Variants in IGSF10 observed in about 807,000 individuals in gnomAD.
The protein encoded by IGSF10 is immunoglobulin superfamily member 10, also known as calvaria mechanical force protein 608.
In IGSF10, 126 loss-of-function variants were observed where a neutral mutation model predicts 128.2. The ratio of observed to expected loss-of-function variants is 0.98; its 90% CI spans 0.85 to 1.14. The LOEUF is 1.14. Ranked by LOEUF, IGSF10 falls within the 50% of genes most tolerant of loss-of-function variation. The pLI is 0.00. For synonymous variants in IGSF10, 1,185 were observed against 1,146.2 expected (o/e 1.03, Z -0.68); for missense variants, 3,295 against 3,149.8 (o/e 1.05, Z -1.10).
chr3:151,526,779 A>C, the IGSF10 span, among the ~76,000 whole-genome samples: 1 of 151,988 alleles, frequency 6.6e-6, no homozygotes, highest in Non-Finnish European at 1.5e-5. Flanking sequence ...GGTTATCCTT[A>C]ATGTTTTTGG....
At chr3:151,570,240 G>A in the IGSF10 span, among the ~76,000 whole-genome samples, 2 of 152,126 alleles carry the variant, frequency 1.3e-5, no homozygotes, top group African/African-American at 4.8e-5. Flanking sequence ...AATCCTTTGG[G>A]TATATACCCA....
Position 151,453,690 on chromosome 3 carries a change from C to G in IGSF10, c.409G>C (p.Asp137His), listed in dbSNP as rs369785806. ...TTTATAAACTCAATATTGTTGTGGT[C>G]CATGTGCAATCGTGTCAAGCTCCTG... ...GLRSLTRLHMDHNNIEFINPE... is the reference protein window; with the variant it reads ...GLRSLTRLHMHHNNIEFINPE... The change falls in exon 5 of 8, where the codon GAC becomes CAC. Residue 137 changes from aspartate to histidine, a missense_variant. Asp to His is a moderately conservative substitution (Grantham distance 81). Transcript: ENST00000282466. The G allele has an allele frequency of 6.2e-7, 1 of 1,612,364 alleles. No individual in the cohort carries two copies. The highest frequency in any genetic ancestry group is 1.1e-5 in the South Asian group (1 of 90,952).
chr3:151,585,681 A>G, the IGSF10 span, among the ~76,000 whole-genome samples: 1 of 152,048 alleles, frequency 6.6e-6, no homozygotes, highest in Non-Finnish European at 1.5e-5. Context: ...GAATTCCCTC[A>G]GTTTTTGTTT....
intron 7 of IGSF10, among the ~76,000 whole-genome samples, chr3:151,441,167 T>G (rs970400445): frequency 6.6e-5 from 10 of 152,180 alleles, no homozygotes; most frequent in African/African-American, 2.4e-4. Context: ...TAGAGTGATA[T>G]CCCCTGCACC....
Position 151,448,769 on chromosome 3 carries a change from A to G in IGSF10, c.1212T>C (p.Tyr404=), listed in dbSNP as rs184100666. Residue 404 remains tyrosine (Y), a synonymous_variant, in exon 6 of 8, where the codon TAT becomes TAC. Transcript: ENST00000282466. The part of the protein sequence containing the change: ...LSETPQLYYK[Y]KQVAPKPEDI... Reference sequence around the variant, plus strand: ...CTTCAGGCTTAGGAGCCACCTGTTTATATTTGTAATAGAGCTGCGGTGTTT... The same window carrying G: ...CTTCAGGCTTAGGAGCCACCTGTTTGTATTTGTAATAGAGCTGCGGTGTTT... 21 of 1,613,694 alleles carry G rather than the reference A, an allele frequency of 1.3e-5. No homozygotes were observed. The Admixed American group carries it at 3.2e-4, about 24-fold the overall frequency.
intron 5 of IGSF10, among the ~76,000 whole-genome samples, chr3:151,450,498 A>T (rs1329648808): frequency 3.3e-5 from 5 of 152,300 alleles, no homozygotes; most frequent in Admixed American, 6.5e-5. Context: ...TGTGACAGGT[A>T]ATGTCACAGA....
the IGSF10 span, among the ~76,000 whole-genome samples, chr3:151,503,086 G>A: frequency 6.6e-6 from 1 of 151,994 alleles, no homozygotes; most frequent in Non-Finnish European, 1.5e-5. Context: ...AAAAAATAAT[G>A]AAGTTTAAGT....
At chr3:151,583,440 C>T in the IGSF10 span, among the ~76,000 whole-genome samples, 1 of 152,072 alleles carries the variant, frequency 6.6e-6, no homozygotes, top group African/African-American at 2.4e-5. Context: ...AACTTTCACC[C>T]AGTTATTTAA....
the IGSF10 span, among the ~76,000 whole-genome samples, chr3:151,515,883 A>G: frequency 5.3e-5 from 8 of 151,864 alleles, 1 homozygote; most frequent in East Asian, 1.4e-3. Flanking sequence ...TTAAATATTT[A>G]TAGAGGGATT....
At chr3:151,583,316 A>G in the IGSF10 span, among the ~76,000 whole-genome samples, 1 of 152,122 alleles carries the variant, frequency 6.6e-6, no homozygotes, top group Admixed American at 6.5e-5. Flanking sequence ...CTTTCCTAAT[A>G]TGTGAATTTA....
chr3:151,577,597 G>A, the IGSF10 span, among the ~76,000 whole-genome samples: 2 of 151,808 alleles, frequency 1.3e-5, no homozygotes, highest in Admixed American at 6.6e-5. Context: ...CATATTGAGG[G>A]GCTTCTCTGA....
the IGSF10 span, among the ~76,000 whole-genome samples, chr3:151,488,186 CAGAG>C: frequency 6.6e-6 from 1 of 152,166 alleles, no homozygotes; most frequent in East Asian, 1.9e-4. Context: ...ACATCAATAA[CAGAG>C]AGCCAAATCA....
rs758373680 is a variant in IGSF10, at chr3:151,444,826, G to C, written c.5062+93C>G. 1.5e-3 allele frequency: 1,869 copies of C among 1,213,346 alleles called. 4 individuals are homozygous for C. Among genetic ancestry groups the C allele is most frequent in the Non-Finnish European group, 2.0e-3 (1,750 of 884,424 alleles). 75.2% of individuals were successfully genotyped at this position (1,213,346 alleles called of 1,614,324 possible). On this transcript the variant is annotated intron_variant, in intron 6 of 7. Transcript: ENST00000282466. ...CTTTGTCTTAGAAAAATTTGAAACT[G>C]ATACTGATTCTTTGGATGTTTAATC...
Position 151,448,188 on chromosome 3 carries a change from G to A in IGSF10, c.1793C>T (p.Thr598Ile). 6.2e-7 allele frequency: 1 copy of A among 1,614,222 alleles called. No individual in the cohort carries two copies. The part of the protein sequence containing the change: ...GETLDLPCHS[T>I]GIPDASISWV... Reference sequence around the variant, plus strand: ...GCTAATAGAGGCATCTGGGATACCAGTAGAATGGCATGGAAGATCAAGTGT... The same window carrying A: ...GCTAATAGAGGCATCTGGGATACCAATAGAATGGCATGGAAGATCAAGTGT... Residue 598 changes from threonine to isoleucine, a missense_variant, in exon 6 of 8, where the codon ACT (threonine) becomes ATT (isoleucine). Transcript: ENST00000282466.
downstream of IGSF10, chr3:151,435,653 A>AGAT (rs944665755): frequency 2.0e-5 from 3 of 152,140 alleles, no homozygotes; most frequent in African/African-American, 7.2e-5. Flanking sequence ...ATGTTTGAAT[A>AGAT]GATGCTGGAG....
the IGSF10 span, among the ~76,000 whole-genome samples, chr3:151,575,595 G>A: frequency 6.6e-6 from 1 of 152,216 alleles, no homozygotes; most frequent in Non-Finnish European, 1.5e-5. Context: ...ACAGTATTAA[G>A]GTGAGAGTGT....
the IGSF10 span, among the ~76,000 whole-genome samples, chr3:151,504,463 C>CT: frequency 6.6e-6 from 1 of 152,066 alleles, no homozygotes; most frequent in Non-Finnish European, 1.5e-5. Flanking sequence ...TATCTTGATC[C>CT]TTTTTGCTTA....
rs2108554122 is a variant in IGSF10 at position 151,447,680 on chromosome 3, A to G, written c.2301T>C (p.Ala767=). Residue 767 remains alanine (A), a synonymous_variant, in exon 6 of 8, where the codon GCT becomes GCC. Coordinates refer to ENST00000282466, the MANE Select transcript of IGSF10 (RefSeq NM_178822.5). ...AALLEKAKKN[A]MPDKRENTTV... ...TGGTATTTTCTCGCTTGTCTGGCAT[A>G]GCATTCTTTTTAGCTTTCTCCAACA... 2 of 1,614,140 alleles carry G rather than the reference A, an allele frequency of 1.2e-6. No homozygotes were observed. The highest frequency in any genetic ancestry group is 8.5e-7 in the Non-Finnish European group (1 of 1,180,034).
At chr3:151,498,722 A>G in the IGSF10 span, among the ~76,000 whole-genome samples, 6 of 152,290 alleles carry the variant, frequency 3.9e-5, no homozygotes, top group South Asian at 2.1e-4. Context: ...CTAAAAGCAG[A>G]CAGCCATTTC....
Sources: allele counts gnomAD v4.1 joint callset (sites outside exome capture counted in the v4.1 genomes callset), GRCh38; gene constraint gnomAD v4.1.1; transcripts MANE v1.5; gene names NCBI Gene and HGNC (gene_info 2026-07-23, HGNC 2026-07-21).